USH2A: variants seen among roughly 807,000 people sequenced by gnomAD.
USH2A encodes the protein usherin.
In USH2A, 443 loss-of-function variants were observed where a neutral mutation model predicts 538.9. The ratio of observed to expected loss-of-function variants is 0.82; its 90% CI spans 0.76 to 0.89. USH2A has a LOEUF of 0.89. Ranked by LOEUF, USH2A falls within the 40% of genes least tolerant of loss-of-function variation. The pLI, the probability that USH2A is intolerant of heterozygous loss-of-function variation, is 0.00. For synonymous variants in USH2A, 2,413 were observed against 2,273.5 expected, an observed-to-expected ratio of 1.06 and a Z score of -1.75; for missense variants, 6,633 against 6,324.8, an observed-to-expected ratio of 1.05 and a Z score of -1.65.
chr1:215,824,250 G>A (rs1166844127), intron 47 of USH2A, among the ~76,000 whole-genome samples: 2 of 152,076 alleles, frequency 1.3e-5, no homozygotes, highest in Admixed American at 1.3e-4. Context: ...ATATGTCTAT[G>A]TCTTTGCATT....
chr1:215,928,461 A>G (rs925299215), intron 38 of USH2A, among the ~76,000 whole-genome samples: 2 of 152,140 alleles, frequency 1.3e-5, no homozygotes, highest in Non-Finnish European at 2.9e-5. Flanking sequence ...TATCTGTAAT[A>G]CTTGCATGTA....
intron 60 of USH2A, among the ~76,000 whole-genome samples, chr1:215,741,039 A>T (rs1660285991): frequency 6.6e-6 from 1 of 152,166 alleles, no homozygotes; most frequent in East Asian, 1.9e-4. Context: ...CCTGGGGGTT[A>T]GGAACCCCTG....
intron 9 of USH2A, among the ~76,000 whole-genome samples, chr1:216,293,785 C>T (rs935822498): frequency 2.6e-5 from 4 of 152,100 alleles, no homozygotes; most frequent in Admixed American, 6.6e-5. Context: ...ATGTGTAGTG[C>T]GCAATCACCA....
intron 21 of USH2A, among the ~76,000 whole-genome samples, chr1:216,100,352 C>A (rs1237045332): frequency 2.0e-5 from 3 of 152,112 alleles, no homozygotes; most frequent in Non-Finnish European, 4.4e-5. Flanking sequence ...TAAAAGGAAG[C>A]ATCTACCAGC....
intron 47 of USH2A, among the ~76,000 whole-genome samples, chr1:215,832,957 A>AT (rs1663367562): frequency 6.6e-6 from 1 of 151,968 alleles, no homozygotes; most frequent in Admixed American, 6.6e-5. Flanking sequence ...TAAAGAAACA[A>AT]TAATAATAGC....
chr1:215,773,627 C>T (rs1381794732), intron 55 of USH2A, among the ~76,000 whole-genome samples: 1 of 151,934 alleles, frequency 6.6e-6, no homozygotes. Context: ...GTGTCTGTGT[C>T]CTGAATTCTT....
chr1:215,735,436 T>C (rs1660129234), intron 60 of USH2A, among the ~76,000 whole-genome samples: 3 of 152,218 alleles, frequency 2.0e-5, no homozygotes, highest in African/African-American at 4.8e-5. Context: ...GATCAGACTT[T>C]GATTATTACA....
At chr1:216,208,487 T>G (rs2035168815) in intron 15 of USH2A, among the ~76,000 whole-genome samples, 1 of 152,094 alleles carries the variant, frequency 6.6e-6, no homozygotes, top group Non-Finnish European at 1.5e-5. Context: ...ACTAGAAGCC[T>G]CAGTAAAAGA....
At chr1:216,275,134 C>G (rs1329959394) in intron 11 of USH2A, among the ~76,000 whole-genome samples, 1 of 151,366 alleles carries the variant, frequency 6.6e-6, no homozygotes, top group Non-Finnish European at 1.5e-5. Context: ...TTGCATTATT[C>G]TCTCTCTCTC....
chr1:216,075,084 G>C (rs1347164323), intron 27 of USH2A, among the ~76,000 whole-genome samples: 1 of 152,090 alleles, frequency 6.6e-6, no homozygotes, highest in African/African-American at 2.4e-5. Flanking sequence ...TAATTCACAA[G>C]ATGAAATTTT....
intron 47 of USH2A, among the ~76,000 whole-genome samples, chr1:215,818,532 A>T (rs1395422297): frequency 6.6e-6 from 1 of 151,878 alleles, no homozygotes; most frequent in African/African-American, 2.4e-5. Flanking sequence ...GTTTGATTTT[A>T]AAAAATTGAG....
intron 61 of USH2A, among the ~76,000 whole-genome samples, chr1:215,712,301 G>A (rs1046546026): frequency 6.6e-6 from 1 of 152,186 alleles, no homozygotes; most frequent in African/African-American, 2.4e-5. Context: ...ATAGGTCCTG[G>A]TATAAAGTTT....
intron 44 of USH2A, among the ~76,000 whole-genome samples, chr1:215,863,070 T>C (rs748408582): frequency 2.6e-5 from 4 of 152,066 alleles, no homozygotes; most frequent in Admixed American, 6.6e-5. Flanking sequence ...GAAGAAGTAG[T>C]TGGTGAGAAG....
At chr1:216,330,576 G>T (rs754580118) in intron 4 of USH2A, among the ~76,000 whole-genome samples, 10 of 151,828 alleles carry the variant, frequency 6.6e-5, no homozygotes, top group Non-Finnish European at 1.3e-4. Flanking sequence ...AAAGGGGGGA[G>T]GTTATTAGAA....
intron 63 of USH2A, among the ~76,000 whole-genome samples, chr1:215,672,469 G>A (rs1181910510): frequency 1.3e-5 from 2 of 152,072 alleles, no homozygotes; most frequent in African/African-American, 4.8e-5. Flanking sequence ...CCATGACAGG[G>A]CTACCAGTTT....
intron 24 of USH2A, among the ~76,000 whole-genome samples, chr1:216,085,646 T>A (rs757605978): frequency 6.6e-6 from 1 of 152,048 alleles, no homozygotes; most frequent in Non-Finnish European, 1.5e-5. Flanking sequence ...GGGTACTTAG[T>A]ATCAGGGTAT....
At chr1:215,990,022 A>T (rs1667967838) in intron 35 of USH2A, among the ~76,000 whole-genome samples, 1 of 152,180 alleles carries the variant, frequency 6.6e-6, no homozygotes, top group Non-Finnish European at 1.5e-5. Context: ...GAGAAATACC[A>T]TTTAAAATCT....
chr1:215,900,933 CAGAGA>C, intron 38 of USH2A, 28 bp from the exon 39 acceptor site: 1 of 1,612,630 alleles, frequency 6.2e-7, no homozygotes, highest in Non-Finnish European at 8.5e-7. Context: ...TGAATTAGAG[CAGAGA>C]AAACTGTGGA....
In USH2A at chr1:216,422,016, G is replaced by A. The variant is rs2039685581; in HGVS notation, c.321C>T (p.Ser107=). 1 of 1,613,966 alleles carries A rather than the reference G, an allele frequency of 6.2e-7. No homozygotes were observed. The highest frequency in any genetic ancestry group is 8.5e-7 in the Non-Finnish European group (1 of 1,179,924). Residue 107 remains serine, a synonymous_variant, in exon 2 of 72, where the codon AGC becomes AGT. Coordinates refer to ENST00000307340, the MANE Select transcript of USH2A (RefSeq NM_206933.4). ...GATCATTCTTGTCTGGTGTGATGCA[G>A]CTACTGAGGCCTGCTGAGAAAAGGG... ...YTALFSAGLS[S]CITPDKNDLH...
Sources: allele counts gnomAD v4.1 joint callset (sites outside exome capture counted in the v4.1 genomes callset), GRCh38; gene constraint gnomAD v4.1.1; transcripts MANE v1.5; gene names NCBI Gene and HGNC (gene_info 2026-07-23, HGNC 2026-07-21).